Variants in DACH1 observed in about 807,000 individuals in gnomAD.
DACH1 encodes dachshund family transcription factor 1.
Under a neutral mutation model 54.2 loss-of-function variants are expected in DACH1, and 12 were observed. The ratio of observed to expected loss-of-function variants is 0.22; its 90% confidence interval spans 0.14 to 0.36. DACH1 has a LOEUF of 0.36. Among genes scored for constraint, DACH1 ranks in the 10% least tolerant of loss-of-function variants. DACH1 has a pLI of 1.00. For synonymous variants in DACH1, 386 were observed against 366.2 expected (o/e 1.05, Z -0.62); for missense variants, 805 against 929.8 (o/e 0.87, Z 1.75).
At chr13:71,477,844 A>G (rs1877711246) in intron 8 of DACH1, among the ~76,000 whole-genome samples, 1 of 152,216 alleles carries the variant, frequency 6.6e-6, no homozygotes, top group Non-Finnish European at 1.5e-5. Context: ...AGGCACATTC[A>G]TAATAGATAA....
At chr13:71,754,379 C>A (rs1477470145) in intron 1 of DACH1, among the ~76,000 whole-genome samples, 1 of 152,172 alleles carries the variant, frequency 6.6e-6, no homozygotes, top group Non-Finnish European at 1.5e-5. Flanking sequence ...TCATGCTATG[C>A]AATCAAGTAT....
intron 6 of DACH1, among the ~76,000 whole-genome samples, chr13:71,533,119 G>C (rs1044083882): frequency 2.0e-5 from 3 of 151,470 alleles, no homozygotes; most frequent in Admixed American, 6.6e-5. Context: ...AATCAGGAGA[G>C]ATATCAATAA....
At chr13:71,519,574 C>G (rs886425092) in intron 6 of DACH1, among the ~76,000 whole-genome samples, 52 of 151,488 alleles carry the variant, frequency 3.4e-4, no homozygotes, top group African/African-American at 1.2e-3. Flanking sequence ...TAATAGCATG[C>G]TCATTATGTA....
At chr13:71,497,925 T>C (rs1048169504) in intron 6 of DACH1, among the ~76,000 whole-genome samples, 23 of 145,500 alleles carry the variant, frequency 1.6e-4, no homozygotes, top group Non-Finnish European at 3.0e-4. Flanking sequence ...CACACACACA[T>C]ACACACACAG....
intron 1 of DACH1, among the ~76,000 whole-genome samples, chr13:71,799,228 A>G (rs1887187972): frequency 6.6e-6 from 1 of 152,166 alleles, no homozygotes; most frequent in Non-Finnish European, 1.5e-5. Flanking sequence ...CATACAGGAT[A>G]TAATTATTTT....
intron 2 of DACH1, among the ~76,000 whole-genome samples, chr13:71,647,654 T>C (rs1219452039): frequency 2.6e-5 from 4 of 152,072 alleles, no homozygotes; most frequent in East Asian, 1.9e-4. Context: ...GGATAGAACA[T>C]GGGGCTGAGA....
chr13:71,781,134 T>A (rs1013298581), intron 1 of DACH1, among the ~76,000 whole-genome samples: 1 of 151,842 alleles, frequency 6.6e-6, no homozygotes, highest in Non-Finnish European at 1.5e-5. Flanking sequence ...GATTTTGTTA[T>A]GGTAAGTTTG....
At chr13:71,705,950 C>T (rs58050496) in intron 1 of DACH1, among the ~76,000 whole-genome samples, 39,450 of 151,970 alleles carry the variant, frequency 0.26, 12,687 homozygotes, top group African/African-American at 0.76. Flanking sequence ...CCTTTTTCTT[C>T]TGTACCCTTG....
At chr13:71,457,526 C>T (rs1259513901) in intron 10 of DACH1, among the ~76,000 whole-genome samples, 13 of 151,132 alleles carry the variant, frequency 8.6e-5, no homozygotes, top group Non-Finnish European at 1.3e-4. Flanking sequence ...CTAACTCCCA[C>T]GAAAAAAAAA....
At chr13:71,591,538 T>C (rs1479730450) in intron 3 of DACH1, among the ~76,000 whole-genome samples, 5 of 152,218 alleles carry the variant, frequency 3.3e-5, no homozygotes, top group Non-Finnish European at 7.3e-5. Flanking sequence ...AGAAGTCACT[T>C]AGATTTTGAC....
chr13:71,502,223 G>A lies in DACH1; in HGVS notation c.1571-13075C>T, dbSNP rs139616973. On this transcript the variant is annotated intron_variant, in intron 6 of 10. Coordinates refer to ENST00000613252, the MANE Select transcript of DACH1 (RefSeq NM_080759.6). ...ACCAAGCCTATGTTCACATCAACCA[G>A]CCTAGATTCCATCAAATTGACTACT... is the stretch of plus-strand genomic sequence containing the variant. Among the ~76,000 whole-genome samples, 27 of 152,110 alleles carry A rather than the reference G, an allele frequency of 1.8e-4. No homozygotes were observed. In the East Asian group the frequency reaches 4.3e-3, roughly 24 times the overall value.
At chr13:71,524,425 T>C (rs1045269729) in intron 6 of DACH1, among the ~76,000 whole-genome samples, 4 of 152,166 alleles carry the variant, frequency 2.6e-5, no homozygotes, top group African/African-American at 9.6e-5. Context: ...CAAAGTGTGC[T>C]TTTTAATAGA....
At chr13:71,697,477 T>G (rs1350677760) in intron 1 of DACH1, among the ~76,000 whole-genome samples, 2 of 152,226 alleles carry the variant, frequency 1.3e-5, no homozygotes, top group Non-Finnish European at 2.9e-5. Flanking sequence ...GGATTTATCT[T>G]AGCTCTTCAA....
chr13:71,705,899 TC>T (rs1327032967), intron 1 of DACH1, among the ~76,000 whole-genome samples: 5 of 152,260 alleles, frequency 3.3e-5, no homozygotes, highest in Admixed American at 2.0e-4. Context: ...TTCCCTTTTC[TC>T]CATAGCACAC....
At chr13:71,586,492 G>T (rs896943535) in intron 3 of DACH1, among the ~76,000 whole-genome samples, 2 of 152,000 alleles carry the variant, frequency 1.3e-5, no homozygotes, top group African/African-American at 4.8e-5. Context: ...CACATCAGCA[G>T]ATAGGAAAAC....
intron 1 of DACH1, among the ~76,000 whole-genome samples, chr13:71,823,729 CA>C (rs1323515596): frequency 6.6e-6 from 1 of 151,388 alleles, no homozygotes; most frequent in Non-Finnish European, 1.5e-5. Flanking sequence ...AAAAACAAAC[CA>C]AAATTATTTC....
At chr13:71,783,611 A>G (rs1483733584) in intron 1 of DACH1, among the ~76,000 whole-genome samples, 3 of 152,140 alleles carry the variant, frequency 2.0e-5, no homozygotes, top group African/African-American at 4.8e-5. Context: ...CCCCAAGAGC[A>G]TTGCCTTTAG....
chr13:71,528,778 A>G (rs1731983148), intron 6 of DACH1, among the ~76,000 whole-genome samples: 2 of 152,182 alleles, frequency 1.3e-5, no homozygotes, highest in Non-Finnish European at 2.9e-5. Context: ...AACTAAAGAT[A>G]ATAACTTCCA....
chr13:71,520,315 T>C (rs1489360380), intron 6 of DACH1, among the ~76,000 whole-genome samples: 2 of 151,616 alleles, frequency 1.3e-5, no homozygotes, highest in African/African-American at 4.8e-5. Flanking sequence ...CTCATGGAAA[T>C]GAAGAAACAG....
Sources: allele counts gnomAD v4.1 joint callset (sites outside exome capture counted in the v4.1 genomes callset), GRCh38; gene constraint gnomAD v4.1.1; transcripts MANE v1.5; gene names NCBI Gene and HGNC (gene_info 2026-07-23, HGNC 2026-07-21).